TUBGCP5: variants seen among roughly 807,000 people sequenced by gnomAD.
TUBGCP5 encodes tubulin gamma complex component 5, also known as gamma-tubulin complex component 5.
TUBGCP5 carries 98 observed loss-of-function variants against 134.7 expected under a neutral mutation model. That is an observed-to-expected ratio of 0.73 (90% CI 0.62 to 0.86). The LOEUF is 0.86. Among genes scored for constraint, TUBGCP5 ranks in the 40% least tolerant of loss-of-function variants. TUBGCP5 has a pLI of 0.00. For synonymous variants in TUBGCP5, 456 were observed against 431.4 expected (o/e 1.06, Z -0.71); for missense variants, 1,150 against 1,244.8 (o/e 0.92, Z 1.15).
intron 23 of TUBGCP5, among the ~76,000 whole-genome samples, chr15:22,989,758 T>C (rs1270871137): frequency 6.6e-6 from 1 of 152,194 alleles, no homozygotes; most frequent in Non-Finnish European, 1.5e-5. Context: ...TTGTACAACC[T>C]GATCTCTTAT....
At chr15:23,028,064 TTAAAC>T (rs142942096) in intron 6 of TUBGCP5, among the ~76,000 whole-genome samples, 3,561 of 151,964 alleles carry the variant, frequency 0.023, 44 homozygotes, top group Non-Finnish European at 0.034. Context: ...CAGTGATGCT[TTAAAC>T]TAGACAAAGA....
In TUBGCP5 at chr15:23,005,398, C is replaced by T. The variant is rs766961501; in HGVS notation, c.2712+34G>A. 4.1e-5 allele frequency: 66 copies of T among 1,607,176 alleles called. 1 individual carries two copies. The South Asian group carries it at 4.9e-4, about 12-fold the overall frequency. On this transcript the variant is annotated intron_variant, in intron 19 of 22. Transcript: ENST00000615383. ...TCTACGAACAACTGTATAGATACGA[C>T]GATAGAACTGAAGCAGATGGGAGAG...
At chr15:23,016,143 G>C (rs1186140044) in intron 13 of TUBGCP5, among the ~76,000 whole-genome samples, 4 of 152,198 alleles carry the variant, frequency 2.6e-5, no homozygotes, top group East Asian at 1.9e-4. Context: ...AGAATGATTT[G>C]AATGAGAAAT....
intron 5 of TUBGCP5, among the ~76,000 whole-genome samples, chr15:23,031,418 G>A (rs906886377): frequency 1.2e-4 from 18 of 151,882 alleles, no homozygotes; most frequent in Non-Finnish European, 2.6e-4. Context: ...CTGTGTTCAA[G>A]AGATTCTCGT....
chr15:23,006,346 A>G lies in TUBGCP5; in HGVS notation c.2334T>C (p.Ser778=). 1 of 1,595,648 alleles carries G rather than the reference A, an allele frequency of 6.3e-7. No individual in the cohort carries two copies. The highest frequency in any genetic ancestry group is 8.5e-7 in the Non-Finnish European group (1 of 1,175,300). ...CTGTGTCAACATTTTCAAAAGATAT[A>G]GATAGACTAAAGAAAGAAATTCCAG... The part of the protein sequence containing the change: ...QRYPEDSSRL[S]ISFENVDTAK... Residue 778 remains serine (S), a synonymous_variant, in exon 17 of 23, where the codon TCT becomes TCC. Transcript: ENST00000615383.
At chr15:23,017,684 C>G in intron 13 of TUBGCP5, 89 bp downstream of exon 13, 1 of 1,343,272 alleles carries the variant, frequency 7.4e-7, no homozygotes, top group Non-Finnish European at 1.0e-6. Context: ...GACTTGCAAA[C>G]TACAAAATAA....
chr15:23,018,329 C>T (rs1182517018), intron 12 of TUBGCP5, among the ~76,000 whole-genome samples: 6 of 152,060 alleles, frequency 3.9e-5, no homozygotes, highest in Non-Finnish European at 8.8e-5. Context: ...AAAGTTTATC[C>T]ATTTACCATC....
At chr15:23,018,185 T>C in intron 12 of TUBGCP5, 144 bp from the exon 13 acceptor site, 1 of 728,268 alleles carries the variant, frequency 1.4e-6, no homozygotes. Context: ...TGGGACAGTT[T>C]TAATCTCATC....
chr15:23,012,051 C>A (rs2065063848), intron 13 of TUBGCP5, among the ~76,000 whole-genome samples: 1 of 145,090 alleles, frequency 6.9e-6, no homozygotes, highest in Admixed American at 7.0e-5. Flanking sequence ...GTGAAGGTTG[C>A]AATGCGCTGA....
At chr15:23,024,289 T>G (rs1219740968) in intron 9 of TUBGCP5, 96 bp from the exon 10 acceptor site, 5 of 1,418,726 alleles carry the variant, frequency 3.5e-6, no homozygotes, top group Non-Finnish European at 4.8e-6. Flanking sequence ...TTTGCAATTG[T>G]TTTAAACAGT....
At position 23,005,643 on chromosome 15, in the gene TUBGCP5, A is replaced by T. The variant is rs1373340277; in HGVS notation, c.2534-33T>A. 2.5e-6 allele frequency: 4 copies of T among 1,597,996 alleles called. No homozygotes were observed. The East Asian group carries it at 6.7e-5, about 27-fold the overall frequency. Reference sequence around the variant, plus strand: ...ACATTGGAAGAGCAAAGTGGACAGAAAGAGCATCAACTCAAACCCCACTGC... The same window carrying T: ...ACATTGGAAGAGCAAAGTGGACAGATAGAGCATCAACTCAAACCCCACTGC... On this transcript the variant is annotated intron_variant, in intron 18 of 22. Transcript: ENST00000615383.
intron 6 of TUBGCP5, 135 bp from the exon 7 acceptor site, chr15:23,027,441 A>G: frequency 2.9e-6 from 2 of 696,334 alleles, no homozygotes; most frequent in South Asian, 3.3e-5. Context: ...ACATTTATGT[A>G]TATATGATTA....
Position 22,992,843 on chromosome 15 carries a change from T to C in TUBGCP5, c.*61+4002A>G, listed in dbSNP as rs2063892803. ...GAATATACATAATAAACGGGTGACC[T>C]AGCTAATGAGATTTTCCAAACAAAG... is the stretch of plus-strand genomic sequence containing the variant. On this transcript the variant is annotated intron_variant and NMD_transcript_variant, in intron 23 of 23. Coordinates refer to the TUBGCP5 transcript ENST00000614508. Among the ~76,000 whole-genome samples the C allele has an allele frequency of 2.6e-5, 4 of 152,128 alleles. 1 individual carries two copies. In the South Asian group the frequency reaches 8.3e-4, roughly 32 times the overall value.
chr15:23,031,856 A>G (rs1266513248), intron 5 of TUBGCP5, 94 bp downstream of exon 5: 6 of 847,590 alleles, frequency 7.1e-6, no homozygotes, highest in African/African-American at 1.7e-5. Context: ...TTCCTGTTTT[A>G]GCTAAGTTGA....
At chr15:23,027,073 T>G in intron 7 of TUBGCP5, 119 bp downstream of exon 7, 1 of 796,444 alleles carries the variant, frequency 1.3e-6, no homozygotes, top group Non-Finnish European at 2.0e-6. Flanking sequence ...AAAAAAGAAT[T>G]GTCAAAACAA....
At chr15:23,012,155 C>T (rs1037672766) in intron 13 of TUBGCP5, among the ~76,000 whole-genome samples, 2 of 149,444 alleles carry the variant, frequency 1.3e-5, no homozygotes, top group East Asian at 4.0e-4. Context: ...CTAATCAGCA[C>T]ACTTGAAATT....
chr15:23,026,296 T>C, intron 7 of TUBGCP5, 91 bp from the exon 8 acceptor site: 2 of 1,105,716 alleles, frequency 1.8e-6, no homozygotes, highest in Non-Finnish European at 2.7e-6. Flanking sequence ...AGTGCTAACT[T>C]AAGTAGCAAT....
downstream of TUBGCP5, among the ~76,000 whole-genome samples, chr15:22,994,890 T>C (rs925086148): frequency 4.6e-5 from 7 of 152,078 alleles, no homozygotes; most frequent in South Asian, 2.1e-4. Flanking sequence ...CAGTGCAGGA[T>C]TGTGCTTGAG....
chr15:23,020,584 C>CAAAAAAA (rs542905350), intron 11 of TUBGCP5, among the ~76,000 whole-genome samples: 1,233 of 75,616 alleles, frequency 0.016, 1 homozygote, highest in Non-Finnish European at 0.02. Flanking sequence ...GACTACGTCT[C>CAAAAAAA]AAAAAAAAAA....
Sources: gnomAD v4.1 joint callset for allele counts (sites outside exome capture counted in the v4.1 genomes callset) on GRCh38, gnomAD v4.1.1 for gene constraint, MANE v1.5 for transcripts, NCBI Gene and HGNC (gene_info 2026-07-23, HGNC 2026-07-21) for gene names.